ZBTB14: variants seen among roughly 807,000 people sequenced by gnomAD.
The protein encoded by ZBTB14 is zinc finger and BTB domain containing 14, also known as zinc finger and BTB domain-containing protein 14.
ZBTB14 carries 8 observed loss-of-function variants against 29.5 expected under a neutral mutation model. The ratio of observed to expected loss-of-function variants is 0.27; its 90% CI spans 0.16 to 0.49. ZBTB14 has a LOEUF of 0.49. Ranked by LOEUF, ZBTB14 falls within the 20% of genes least tolerant of loss-of-function variation. ZBTB14 has a pLI of 0.99. For synonymous variants in ZBTB14, 226 were observed against 207.2 expected, an observed-to-expected ratio of 1.09 and a Z score of -0.78; for missense variants, 333 against 563.8, an observed-to-expected ratio of 0.59 and a Z score of 4.15.
upstream of ZBTB14, chr18:5,296,922 C>G (rs764295323): frequency 6.6e-6 from 1 of 152,092 alleles, no homozygotes; most frequent in Non-Finnish European, 1.5e-5. Flanking sequence ...TGCTGTTGAA[C>G]CACGTCGCCT....
In ZBTB14 at chr18:5,291,759, C is replaced by T. The variant is rs763970791; in HGVS notation, c.449G>A (p.Arg150His). 9.9e-6 allele frequency: 16 copies of T among 1,613,802 alleles called. No individual in the cohort carries two copies. The highest frequency in any genetic ancestry group is 4.0e-5 in the African/African-American group (3 of 74,880). The change falls in exon 4 of 4, where the codon CGC (arginine) becomes CAC (histidine). Residue 150 changes from arginine (R) to histidine (H), a missense_variant. By Grantham distance (29) the Arg-to-His change is conservative (BLOSUM62 0). Coordinates refer to ENST00000651870, the MANE Select transcript of ZBTB14 (RefSeq NM_001243702.2). This position sits in a 1 kb window ranked among gnomAD's most constrained non-coding sequence, Gnocchi z 5.8. ...GGTGTCAGCAGCATCTCCAATGGGG[C>T]GATTTATTTTAAGGCAATACTTACT... ...SKSKYCLKIN[R>H]PIGDAADTQD... is the part of the protein sequence containing the mutation.
chr18:5,289,607 T>C lies in ZBTB14; in HGVS notation c.*1251A>G, dbSNP rs887355154. 3.9e-5 allele frequency: 6 copies of C among 152,238 alleles called. No homozygotes were observed. Among genetic ancestry groups the C allele is most frequent in the East Asian group, 1.9e-4 (1 of 5,202 alleles). The allele number at this position is 152,238 out of a possible 1,614,324, so 9.4% of individuals were successfully genotyped here. The stretch of plus-strand genomic sequence containing the variant: ...AGTTTATAATTCTCATTTACGGCTA[T>C]GAAAAGGCAATCAACTTCTATTTAA... On this transcript the variant is annotated 3_prime_UTR_variant, in exon 4 of 4. Coordinates refer to ENST00000651870, the MANE Select transcript of ZBTB14 (RefSeq NM_001243702.2).
intron 2 of ZBTB14, 23 bp from the exon 3 acceptor site, chr18:5,293,350 G>T (rs2071862047): frequency 1.7e-6 from 2 of 1,201,728 alleles, no homozygotes; most frequent in Non-Finnish European, 2.4e-6. Context: ...GGATAAACAA[G>T]AATGAGGTAG....
intron 2 of ZBTB14, 145 bp from the exon 3 acceptor site, chr18:5,293,472 G>A: frequency 1.8e-6 from 1 of 550,960 alleles, no homozygotes; most frequent in Non-Finnish European, 3.3e-6. Context: ...TAGGTAGCTG[G>A]TACATCAAGT....
rs1598343625 is a variant in ZBTB14 at position 5,290,621 on chromosome 18, C to A, written c.*237G>T. On this transcript the variant is annotated 3_prime_UTR_variant, in exon 4 of 4. Transcript: ENST00000651870. Reference sequence around the variant, plus strand: ...TAAAAAAAAAAAAGGGAGAGAGGTGCTTACTGGGCAACATTAATACTAGAC... The same window carrying A: ...TAAAAAAAAAAAAGGGAGAGAGGTGATTACTGGGCAACATTAATACTAGAC... The A allele has an allele frequency of 1.2e-5, 4 of 337,366 alleles. No individual in the cohort carries two copies. Among genetic ancestry groups the A allele is most frequent in the Non-Finnish European group, 9.1e-6 (2 of 219,080 alleles). 20.9% of individuals were successfully genotyped at this position (337,366 alleles called of 1,614,324 possible). A position where few individuals can be genotyped will look rare whatever the true frequency, so the allele number is the denominator to read the frequency against.
chr18:5,292,664 G>C (rs562371946), intron 3 of ZBTB14, among the ~76,000 whole-genome samples: 96 of 152,196 alleles, frequency 6.3e-4, no homozygotes, highest in Non-Finnish European at 9.9e-4. Flanking sequence ...CAGGTTCAAG[G>C]GAACAATCCT....
rs1484726968 is a variant in ZBTB14 at position 5,289,816 on chromosome 18, C to A, written c.*1042G>T. 1 of 152,610 alleles carries A rather than the reference C, an allele frequency of 6.6e-6. No homozygotes were observed. Among genetic ancestry groups the A allele is most frequent in the East Asian group, 1.9e-4 (1 of 5,200 alleles). 9.5% of individuals were successfully genotyped at this position (152,610 alleles called of 1,614,324 possible). A position where few individuals can be genotyped will look rare whatever the true frequency, so the allele number is the denominator to read the frequency against. ...TAAGACCAACACTACTATTTACACA[C>A]TTAAAAGATTTTAAATTTATTAATT... On this transcript the variant is annotated 3_prime_UTR_variant, in exon 4 of 4. Coordinates refer to ENST00000651870, the MANE Select transcript of ZBTB14 (RefSeq NM_001243702.2).
chr18:5,296,056 C>G (rs974889505), upstream of ZBTB14: 4 of 151,932 alleles, frequency 2.6e-5, no homozygotes, highest in Admixed American at 6.5e-5. Flanking sequence ...CCGCCCCCCC[C>G]TTCCCGTGCA....
At chr18:5,296,996 C>G (rs986990499), upstream of ZBTB14, 25 of 151,916 alleles carry the variant, frequency 1.6e-4, no homozygotes, top group African/African-American at 5.3e-4. Context: ...CTCCCGCTCC[C>G]GCGTTTTCTG....
At position 5,293,259 on chromosome 18, in the gene ZBTB14, CTATTATCT is replaced by C; in HGVS notation, c.-21_-14del. 2 of 1,613,186 alleles carry C rather than the reference CTATTATCT, an allele frequency of 1.2e-6. No homozygotes were observed. ...TTATAGTTACCATGAACAACTCAGGCTATTATCTTAATGCCTTGAACGCCAAAATCTTC... is the reference window on the plus strand; with the variant it reads ...TTATAGTTACCATGAACAACTCAGGCTAATGCCTTGAACGCCAAAATCTTC... On this transcript the variant is annotated 5_prime_UTR_variant, in exon 3 of 4. The change abolishes the stop of an existing upstream ORF in the 5' untranslated region. Coordinates refer to ENST00000651870, the MANE Select transcript of ZBTB14 (RefSeq NM_001243702.2).
At position 5,290,100 on chromosome 18, in the gene ZBTB14, C is replaced by T. The variant is rs2071777570; in HGVS notation, c.*758G>A. 1 of 152,160 alleles carries T rather than the reference C, an allele frequency of 6.6e-6. No individual in the cohort carries two copies. Among genetic ancestry groups the T allele is most frequent in the African/African-American group, 2.4e-5 (1 of 41,418 alleles). The allele number at this position is 152,160 out of a possible 1,614,324, so 9.4% of individuals were successfully genotyped here. A position where few individuals can be genotyped will look rare whatever the true frequency, so the allele number is the denominator to read the frequency against. On this transcript the variant is annotated 3_prime_UTR_variant, in exon 4 of 4. Transcript: ENST00000651870. ...TCTTACCACAGGTCCACTCACAAAT[C>T]GCAGCTGGTATGGACTGGTACTGCC...
rs376056772 is a variant in ZBTB14, at chr18:5,290,778, T to C, written c.*80A>G. On this transcript the variant is annotated 3_prime_UTR_variant, in exon 4 of 4. Coordinates refer to ENST00000651870, the MANE Select transcript of ZBTB14 (RefSeq NM_001243702.2). ...TGTTCCATACGTTTCCACAAAAATA[T>C]TGTAACTGGCATTCACTCATTATGA... 1.3e-5 allele frequency: 20 copies of C among 1,538,260 alleles called. No homozygotes were observed. Among genetic ancestry groups the C allele is most frequent in the Non-Finnish European group, 1.7e-5 (20 of 1,144,128 alleles).
At chr18:5,296,436 C>T (rs1184187886), upstream of ZBTB14, among the ~76,000 whole-genome samples, 1 of 149,836 alleles carries the variant, frequency 6.7e-6, no homozygotes, top group Non-Finnish European at 1.5e-5. Flanking sequence ...CGGGAGCCAG[C>T]GCTCCCGTGC....
intron 1 of ZBTB14, among the ~76,000 whole-genome samples, chr18:5,294,583 C>T (rs1300586907): frequency 2.6e-5 from 4 of 152,106 alleles, no homozygotes; most frequent in African/African-American, 9.7e-5. Context: ...CCCGCCCCGC[C>T]CCCCTTGCCA....
At chr18:5,292,331 T>C in intron 3 of ZBTB14, 127 bp from the exon 4 acceptor site, 1 of 781,632 alleles carries the variant, frequency 1.3e-6, no homozygotes, top group Non-Finnish European at 1.9e-6. Context: ...TTAAGAGTGG[T>C]CTTTGAATAT....
upstream of ZBTB14, among the ~76,000 whole-genome samples, chr18:5,296,686 C>G (rs2071975949): frequency 6.6e-6 from 1 of 152,044 alleles, no homozygotes; most frequent in Non-Finnish European, 1.5e-5. Flanking sequence ...GAAAAAGCGA[C>G]GTCTTCGATT....
In ZBTB14 at chr18:5,291,707, C is replaced by T; in HGVS notation, c.501G>A (p.Gly167=). Residue 167 remains glycine (G), a synonymous_variant, in exon 4 of 4, where the codon GGG becomes GGA. Transcript: ENST00000651870. The surrounding 1 kb of genome is among the most constrained non-coding windows in gnomAD (Gnocchi z 5.8). ...CATCAGAAGGACTGTCATCCTGATC[C>T]CCGATTTCCTCTACATCATCATCCT... ...DTQDDDVEEI[G]DQDDSPSDDT... is the part of the protein sequence containing the mutation. 6.2e-7 allele frequency: 1 copy of T among 1,614,082 alleles called. No individual in the cohort carries two copies. Among genetic ancestry groups the T allele is most frequent in the Non-Finnish European group, 8.5e-7 (1 of 1,180,018 alleles).
In ZBTB14 at chr18:5,289,223, A is replaced by C. The variant is rs1187316542; in HGVS notation, c.*1635T>G. ...AGAACAGAATAAACAACTTTCAAGA[A>C]AAGAAATTAATTTTAAGTAAAATTA... On this transcript the variant is annotated 3_prime_UTR_variant, in exon 4 of 4. Transcript: ENST00000651870. 1 of 152,236 alleles carries C rather than the reference A, an allele frequency of 6.6e-6. No homozygotes were observed. The highest frequency in any genetic ancestry group is 1.5e-5 in the Non-Finnish European group (1 of 68,034). 9.4% of individuals were successfully genotyped at this position (152,236 alleles called of 1,614,324 possible). A position where few individuals can be genotyped will look rare whatever the true frequency, so the allele number is the denominator to read the frequency against.
chr18:5,292,324 A>G (rs1318515758), intron 3 of ZBTB14, 120 bp from the exon 4 acceptor site: 1 of 867,152 alleles, frequency 1.2e-6, no homozygotes, highest in African/African-American at 1.7e-5. Context: ...GTCAATGTTA[A>G]GAGTGGTCTT....
Sources: allele counts gnomAD v4.1 joint callset (sites outside exome capture counted in the v4.1 genomes callset), GRCh38; gene constraint gnomAD v4.1.1; non-coding constraint Gnocchi (gnomAD v3.1); transcripts MANE v1.5; gene names NCBI Gene and HGNC (gene_info 2026-07-23, HGNC 2026-07-21).